The following NSL1 variants were observed in gnomAD, a reference collection of about 807,000 sequenced individuals.
NSL1 encodes kinetochore-associated protein NSL1 homolog.
Under a neutral mutation model 25.4 loss-of-function variants are expected in NSL1, and 11 were observed. That is an observed-to-expected ratio of 0.43 (90% CI 0.27 to 0.72). The LOEUF is 0.72. Among genes scored for constraint, NSL1 ranks in the 30% least tolerant of loss-of-function variants. NSL1 has a pLI of 0.19. For missense variants in NSL1, 330 were observed against 342.7 expected (o/e 0.96, Z 0.29); for synonymous variants, 118 against 120.6 (o/e 0.98, Z 0.14).
At chr1:212,762,306 C>CAAAAAAAAAACAA (rs1659610078) in intron 4 of NSL1, among the ~76,000 whole-genome samples, 1 of 114,638 alleles carries the variant, frequency 8.7e-6, no homozygotes, top group East Asian at 2.5e-4. Flanking sequence ...TTAAAAGAAA[C>CAAAAAAAAAACAA]AAAAAAAAAA....
chr1:212,729,182 G>T lies in NSL1; in HGVS notation c.*9226C>A. On this transcript the variant is annotated 3_prime_UTR_variant, in exon 6 of 6. Transcript: ENST00000366977. ...TTTCTTGCAAGCAGGTAATTCCACA[G>T]AAGTTTCCAAACCCATGAGTTTCAC... The T allele has an allele frequency of 1.0e-6, 1 of 985,434 alleles. No individual in the cohort carries two copies. Among genetic ancestry groups the T allele is most frequent in the Non-Finnish European group, 1.2e-6 (1 of 829,938 alleles). 61.0% of individuals were successfully genotyped at this position (985,434 alleles called of 1,614,324 possible).
intron 4 of NSL1, among the ~76,000 whole-genome samples, chr1:212,740,476 A>G (rs1238585843): frequency 8.1e-6 from 1 of 123,416 alleles, no homozygotes; most frequent in Non-Finnish European, 2.0e-5. Context: ...AATCTCAGAA[A>G]AGGGTTTTTT....
chr1:212,790,718 C>T (rs1020454825), intron 1 of NSL1, among the ~76,000 whole-genome samples: 1 of 151,900 alleles, frequency 6.6e-6, no homozygotes, highest in African/African-American at 2.4e-5. Flanking sequence ...GTCAGGAGAT[C>T]GAGACCATGC....
rs954958927 is a variant in NSL1, at chr1:212,729,778, C to T, written c.*8630G>A. ...CTGGTGGAGATGCTCGGCTATAAAA[C>T]GGCTCAAAAGAACAGCTAGAACATG... On this transcript the variant is annotated 3_prime_UTR_variant, in exon 6 of 6. Coordinates refer to ENST00000366977, the MANE Select transcript of NSL1 (RefSeq NM_015471.4). 14 of 985,146 alleles carry T rather than the reference C, an allele frequency of 1.4e-5. No homozygotes were observed. The African/African-American group carries it at 1.7e-4, about 12-fold the overall frequency. The allele number at this position is 985,146 out of a possible 1,614,324, so 61.0% of individuals were successfully genotyped here. A position where few individuals can be genotyped will look rare whatever the true frequency, so the allele number is the denominator to read the frequency against.
intron 4 of NSL1, chr1:212,766,248 A>G (rs753064784): frequency 2.6e-5 from 17 of 649,264 alleles, no homozygotes; most frequent in Non-Finnish European, 4.2e-5. Flanking sequence ...TGAATGGGGA[A>G]AAGTTGAAAG....
chr1:212,779,270 G>A (rs112834481), intron 4 of NSL1, among the ~76,000 whole-genome samples: 22,639 of 141,338 alleles, frequency 0.16, 2,155 homozygotes, highest in African/African-American at 0.26. Context: ...CAGCCGCCCC[G>A]TCTCGGAGGG....
In NSL1 at chr1:212,737,418, CA is replaced by C; in HGVS notation, c.*989del. 1 of 985,152 alleles carries C rather than the reference CA, an allele frequency of 1.0e-6. No individual in the cohort carries two copies. The highest frequency in any genetic ancestry group is 1.2e-6 in the Non-Finnish European group (1 of 829,744). The allele number at this position is 985,152 out of a possible 1,614,324, so 61.0% of individuals were successfully genotyped here. A position where few individuals can be genotyped will look rare whatever the true frequency, so the allele number is the denominator to read the frequency against. On this transcript the variant is annotated 3_prime_UTR_variant, in exon 6 of 6. Transcript: ENST00000366977. ...AAATGAATGAAGGTATCAGAGTCAT[CA>C]AAAGGGGAAACAGTTGGTAAGTTTG...
Position 212,736,721 on chromosome 1 carries a change from C to T in NSL1, c.*1687G>A. 1 of 984,356 alleles carries T rather than the reference C, an allele frequency of 1.0e-6. No homozygotes were observed. The highest frequency in any genetic ancestry group is 1.2e-6 in the Non-Finnish European group (1 of 829,066). The allele number at this position is 984,356 out of a possible 1,614,324, so 61.0% of individuals were successfully genotyped here. A position where few individuals can be genotyped will look rare whatever the true frequency, so the allele number is the denominator to read the frequency against. ...TTTTTTAAAAACTTATAAAAATTTC[C>T]AACACAAAGTAGAATATAGTCATTA... is the stretch of plus-strand genomic sequence containing the variant. On this transcript the variant is annotated 3_prime_UTR_variant, in exon 6 of 6. Coordinates refer to ENST00000366977, the MANE Select transcript of NSL1 (RefSeq NM_015471.4).
chr1:212,766,981 G>A (rs577794032), intron 4 of NSL1, among the ~76,000 whole-genome samples: 6 of 152,158 alleles, frequency 3.9e-5, no homozygotes, highest in Admixed American at 2.0e-4. Context: ...GTTCATGGAT[G>A]GGTAGAATCA....
At chr1:212,779,623 G>A (rs1259128895) in intron 4 of NSL1, among the ~76,000 whole-genome samples, 5 of 126,032 alleles carry the variant, frequency 4.0e-5, no homozygotes, top group African/African-American at 9.5e-5. Context: ...TCAGCCCCCC[G>A]CCCGGTCAGC....
At chr1:212,757,254 C>T (rs886332110) in intron 4 of NSL1, among the ~76,000 whole-genome samples, 1 of 151,986 alleles carries the variant, frequency 6.6e-6, no homozygotes, top group Admixed American at 6.6e-5. Flanking sequence ...GAGAAGCAGC[C>T]GGGGACCATA....
In NSL1 at chr1:212,736,328, T is replaced by G; in HGVS notation, c.*2080A>C. ...CATGAGCCCACCGCGCCTGGCTATT[T>G]CTTTTCTGAAAGATAATTTTAAGAC... On this transcript the variant is annotated 3_prime_UTR_variant, in exon 6 of 6. Transcript: ENST00000366977. The G allele has an allele frequency of 1.0e-6, 1 of 985,106 alleles. No individual in the cohort carries two copies. Among genetic ancestry groups the G allele is most frequent in the Non-Finnish European group, 1.2e-6 (1 of 829,608 alleles). The allele number at this position is 985,106 out of a possible 1,614,324, so 61.0% of individuals were successfully genotyped here.
Position 212,745,784 on chromosome 1 carries a change from G to A in NSL1, c.500-6183C>T, listed in dbSNP as rs577412780. 6.6e-5 allele frequency among the ~76,000 whole-genome samples: 10 copies of A among 151,028 alleles called. No homozygotes were observed. The East Asian group carries it at 1.2e-3, about 18-fold the overall frequency. On this transcript the variant is annotated intron_variant, in intron 4 of 5. Transcript: ENST00000366977. ...TTGAGACCAACCTGGACAACATGGC[G>A]AAACCCCATGCCTACCAAAAATACA...
chr1:212,773,602 T>C (rs548664961), intron 4 of NSL1, among the ~76,000 whole-genome samples: 1 of 152,194 alleles, frequency 6.6e-6, no homozygotes, highest in East Asian at 1.9e-4. Context: ...TAAATTAGTA[T>C]AGCTACAATG....
intron 1 of NSL1, among the ~76,000 whole-genome samples, chr1:212,788,107 G>C (rs112786938): frequency 0.023 from 3,466 of 152,288 alleles, 61 homozygotes; most frequent in South Asian, 0.042. Flanking sequence ...TGAGATCTAA[G>C]ATATGCTTTA....
At chr1:212,779,762 GC>G (rs1435332033) in intron 4 of NSL1, among the ~76,000 whole-genome samples, 3 of 109,864 alleles carry the variant, frequency 2.7e-5, no homozygotes, top group Non-Finnish European at 5.9e-5. Flanking sequence ...CCAGCCAGCC[GC>G]CCCGTCCGGG....
rs562334371 is a variant in NSL1, at chr1:212,789,852, T to C, written c.234+1678A>G. ...TAGCATTTCCTAGAATCAGACAAAT[T>C]CTAAGATTATACAACAAAAGTCTTC... On this transcript the variant is annotated intron_variant, in intron 1 of 5. Transcript: ENST00000366977. Among the ~76,000 whole-genome samples the C allele has an allele frequency of 1.2e-3, 184 of 152,266 alleles. 2 individuals are homozygous for C. The Middle Eastern group carries it at 0.014, about 11-fold the overall frequency.
Position 212,736,652 on chromosome 1 carries a change from T to A in NSL1, c.*1756A>T. On this transcript the variant is annotated 3_prime_UTR_variant, in exon 6 of 6. Transcript: ENST00000366977. The stretch of plus-strand genomic sequence containing the variant: ...GTAAAACTTTGGGCTCTCAAGAGGA[T>A]TTCAAATCTCAGCTGTCTGCCTGGG... 1 of 985,156 alleles carries A rather than the reference T, an allele frequency of 1.0e-6. No individual in the cohort carries two copies. The allele number at this position is 985,156 out of a possible 1,614,324, so 61.0% of individuals were successfully genotyped here.
At chr1:212,783,205 T>A (rs1660800956) in intron 3 of NSL1, among the ~76,000 whole-genome samples, 1 of 152,172 alleles carries the variant, frequency 6.6e-6, no homozygotes, top group Admixed American at 6.5e-5. Flanking sequence ...CCTCACCTTA[T>A]CTATTTTGCA....
Sources: allele counts gnomAD v4.1 joint callset (sites outside exome capture counted in the v4.1 genomes callset), GRCh38; gene constraint gnomAD v4.1.1; transcripts MANE v1.5; gene names NCBI Gene and HGNC (gene_info 2026-07-23, HGNC 2026-07-21).